CYFIP1: variants seen among roughly 807,000 people sequenced by gnomAD.
CYFIP1 encodes cytoplasmic FMR1-interacting protein 1.
A neutral mutation model predicts 163.5 loss-of-function variants in CYFIP1; 58 were observed. The observed-to-expected ratio is 0.35, with a 90% CI of 0.29 to 0.44. The LOEUF (loss-of-function observed/expected upper bound fraction) is 0.44, where lower values mean the gene tolerates loss of function less well. Ranked by LOEUF, CYFIP1 falls within the 20% of genes least tolerant of loss-of-function variation. The pLI is 1.00. For synonymous variants in CYFIP1, 663 were observed against 660.7 expected, an observed-to-expected ratio of 1.00 and a Z score of -0.05; for missense variants, 1,338 against 1,653.8, an observed-to-expected ratio of 0.81 and a Z score of 3.31.
At chr15:22,882,405 G>A (rs1021193977) in intron 24 of CYFIP1, among the ~76,000 whole-genome samples, 7 of 152,240 alleles carry the variant, frequency 4.6e-5, no homozygotes, top group Non-Finnish European at 1.0e-4. Flanking sequence ...TTTGGGTCAC[G>A]GGCTGATGGC....
In CYFIP1 at chr15:22,880,761, C is replaced by T. The variant is rs550439025; in HGVS notation, c.2912-718G>A. On this transcript the variant is annotated intron_variant, in intron 25 of 30. Coordinates refer to ENST00000617928, the MANE Select transcript of CYFIP1 (RefSeq NM_014608.6). ...AGCAGGTCTTGCCCGAGTGCCCCTT[C>T]CCCAAGGACCAGCGGCCCGACACGG... Among the ~76,000 whole-genome samples the T allele has an allele frequency of 3.3e-5, 5 of 152,282 alleles. No homozygotes were observed. The East Asian group carries it at 9.7e-4, about 29-fold the overall frequency.
chr15:22,928,182 C>G (rs1330355407), intron 11 of CYFIP1, among the ~76,000 whole-genome samples, 154 bp from the exon 12 acceptor site: 4 of 152,172 alleles, frequency 2.6e-5, no homozygotes, highest in East Asian at 3.9e-4. Context: ...TCGGGAGATC[C>G]AGACCATCCT....
intron 21 of CYFIP1, among the ~76,000 whole-genome samples, chr15:22,906,041 G>A (rs987356126): frequency 6.6e-6 from 1 of 152,134 alleles, no homozygotes; most frequent in Non-Finnish European, 1.5e-5. Context: ...TTACAGGCAT[G>A]AGCCACTGTG....
chr15:22,906,849 G>A (rs1286869912), intron 21 of CYFIP1, among the ~76,000 whole-genome samples: 3 of 152,136 alleles, frequency 2.0e-5, no homozygotes, highest in African/African-American at 4.8e-5. Flanking sequence ...TCTGTCTGAC[G>A]TGCCTCCACT....
At chr15:22,874,432 G>A in intron 28 of CYFIP1, 118 bp downstream of exon 28, 2 of 671,722 alleles carry the variant, frequency 3.0e-6, no homozygotes, top group South Asian at 2.1e-5. Flanking sequence ...CTTGAGGCCT[G>A]AGCAGCCACG....
At position 22,943,215 on chromosome 15, in the gene CYFIP1, T is replaced by C. The variant is rs1420922039; in HGVS notation, c.527A>G (p.Asn176Ser). 1 of 1,614,232 alleles carries C rather than the reference T, an allele frequency of 6.2e-7. No individual in the cohort carries two copies. Reference sequence around the variant, plus strand: ...GTCGTTCTTCACACTGCACTTCATGTTCTTCAGCTCGTCCAGCACAGCGAA... The same window carrying C: ...GTCGTTCTTCACACTGCACTTCATGCTCTTCAGCTCGTCCAGCACAGCGAA... ...NMFAVLDELK[N>S]MKCSVKNDHS... Residue 176 changes from asparagine to serine, a missense_variant, in exon 6 of 31, where the codon AAC becomes AGC. Transcript: ENST00000617928.
upstream of CYFIP1, among the ~76,000 whole-genome samples, chr15:22,980,761 G>T (rs1014683087): frequency 6.6e-6 from 1 of 152,106 alleles, no homozygotes; most frequent in Non-Finnish European, 1.5e-5. Context: ...CAGGACGCCC[G>T]TGTGGCGCCG....
At position 22,913,543 on chromosome 15, in the gene CYFIP1, A is replaced by G. The variant is rs1245623103; in HGVS notation, c.1985+1183T>C. 3.4e-5 allele frequency among the ~76,000 whole-genome samples: 5 copies of G among 147,638 alleles called. No homozygotes were observed. The South Asian group carries it at 8.5e-4, about 25-fold the overall frequency. On this transcript the variant is annotated intron_variant, in intron 17 of 30. Transcript: ENST00000617928. ...GCTCTGTCTCAAAAAAAAAAAAAAA[A>G]AAAAAAAAGAAAGAAAGAAAAAAAA...
rs553753578 is a variant in CYFIP1, at chr15:22,913,385, G to A, written c.1986-1110C>T. On this transcript the variant is annotated intron_variant, in intron 17 of 30. Coordinates refer to ENST00000617928, the MANE Select transcript of CYFIP1 (RefSeq NM_014608.6). ...TCTACTAAAAATACAAAAATTAGCC[G>A]GGCGTGGTGGTGGGTGCCTGTAGTC... 2.5e-4 allele frequency among the ~76,000 whole-genome samples: 38 copies of A among 149,182 alleles called. No homozygotes were observed. The South Asian group carries it at 3.2e-3, about 13-fold the overall frequency.
intron 30 of CYFIP1, among the ~76,000 whole-genome samples, chr15:22,871,027 G>A (rs1048246944): frequency 6.6e-6 from 1 of 152,180 alleles, no homozygotes; most frequent in Non-Finnish European, 1.5e-5. Flanking sequence ...GTGGGGTGAG[G>A]AGCAGCCCGG....
At chr15:22,970,927 T>C (rs1352342948) in intron 1 of CYFIP1, among the ~76,000 whole-genome samples, 2 of 151,916 alleles carry the variant, frequency 1.3e-5, no homozygotes, top group Admixed American at 1.3e-4. Context: ...ATACAAAAAA[T>C]TAGCTGGGTG....
intron 1 of CYFIP1, 74 bp from the exon 2 acceptor site, chr15:22,947,365 C>T (rs2062097750): frequency 1.3e-6 from 2 of 1,572,316 alleles, no homozygotes; most frequent in Non-Finnish European, 1.7e-6. Flanking sequence ...AGGTTGGGTA[C>T]CCAGGCCTCT....
chr15:22,896,079 G>A (rs1466028832), intron 22 of CYFIP1, among the ~76,000 whole-genome samples: 1 of 152,192 alleles, frequency 6.6e-6, no homozygotes, highest in Non-Finnish European at 1.5e-5. Context: ...GGTTAGAAGT[G>A]AGGGTGGCCC....
At chr15:22,970,549 A>C (rs960560555) in intron 1 of CYFIP1, among the ~76,000 whole-genome samples, 2 of 152,200 alleles carry the variant, frequency 1.3e-5, no homozygotes, top group Non-Finnish European at 2.9e-5. Context: ...ACTTACCATA[A>C]AGCTACAGTA....
At chr15:22,871,252 T>C (rs2059425656) in intron 30 of CYFIP1, among the ~76,000 whole-genome samples, 1 of 152,162 alleles carries the variant, frequency 6.6e-6, no homozygotes, top group South Asian at 2.1e-4. Context: ...CTCCAAGGCC[T>C]TCAGATACTA....
chr15:22,896,754 A>T (rs1254428767), intron 22 of CYFIP1, among the ~76,000 whole-genome samples: 1 of 151,900 alleles, frequency 6.6e-6, no homozygotes, highest in Non-Finnish European at 1.5e-5. Context: ...TTGTCTGCGA[A>T]TTCCATCATC....
rs371856670 is a variant in CYFIP1, at chr15:22,916,855, C to T, written c.1675-225G>A. 1,758 of 1,552,456 alleles carry T rather than the reference C, an allele frequency of 1.1e-3. 5 individuals are homozygous for T. Among genetic ancestry groups the T allele is most frequent in the Non-Finnish European group, 1.3e-3 (1,547 of 1,147,318 alleles). The stretch of plus-strand genomic sequence containing the variant: ...GAGCAGTTCGCCTCCGTGCCATAAA[C>T]GTCAAGAGAAACAAATGATGTCTTA... On this transcript the variant is annotated intron_variant, in intron 15 of 30. Coordinates refer to ENST00000617928, the MANE Select transcript of CYFIP1 (RefSeq NM_014608.6).
intron 17 of CYFIP1, among the ~76,000 whole-genome samples, chr15:22,914,150 G>C (rs1295736432): frequency 6.6e-6 from 1 of 152,134 alleles, no homozygotes; most frequent in African/African-American, 2.4e-5. Context: ...CTGGGTCAGA[G>C]GCTGTGTCAC....
At position 22,974,204 on chromosome 15, in the gene CYFIP1, T is replaced by G. The variant is rs1023292563; in HGVS notation, c.-7+6083A>C. ...ATATCTAAAAGAAATGAAATCCGTA[T>G]GTCCAAGAGATCGCTGTACCCCATG... On this transcript the variant is annotated intron_variant, in intron 1 of 30. Coordinates refer to ENST00000617928, the MANE Select transcript of CYFIP1 (RefSeq NM_014608.6). Among the ~76,000 whole-genome samples the G allele has an allele frequency of 2.0e-5, 3 of 152,112 alleles. No homozygotes were observed. The East Asian group carries it at 5.8e-4, about 29-fold the overall frequency.
Sources: allele counts gnomAD v4.1 joint callset (sites outside exome capture counted in the v4.1 genomes callset), GRCh38; gene constraint gnomAD v4.1.1; transcripts MANE v1.5; gene names NCBI Gene and HGNC (gene_info 2026-07-23, HGNC 2026-07-21).